Variants in DACH1 observed in about 807,000 individuals in gnomAD.
DACH1 encodes the protein dachshund family transcription factor 1.
In DACH1, 12 loss-of-function variants were observed where a neutral mutation model predicts 54.2. That is an observed-to-expected ratio of 0.22 (90% CI 0.14 to 0.36). The LOEUF (loss-of-function observed/expected upper bound fraction) is 0.36. Among genes scored for constraint, DACH1 ranks in the 10% least tolerant of loss-of-function variants. The probability of loss-of-function intolerance (pLI) is 1.00; values close to 1 mark genes in which losing one functional copy is unlikely to be tolerated. For synonymous variants in DACH1, 386 were observed against 366.2 expected (o/e 1.05, Z -0.62); for missense variants, 805 against 929.8 (o/e 0.87, Z 1.75).
At chr13:71,614,853 C>CAAAAAAAAAAAAAAAA (rs397978208) in intron 3 of DACH1, among the ~76,000 whole-genome samples, 1 of 48,926 alleles carries the variant, frequency 2.0e-5, no homozygotes, top group Non-Finnish European at 4.1e-5. Context: ...AACTCTATCT[C>CAAAAAAAAAAAAAAAA]AAAAAAAAAA....
At chr13:71,678,325 T>C (rs1335453284) in intron 2 of DACH1, among the ~76,000 whole-genome samples, 1 of 152,210 alleles carries the variant, frequency 6.6e-6, no homozygotes, top group African/African-American at 2.4e-5. Context: ...ACAGTAAAGA[T>C]ATGTTCCCCA....
chr13:71,804,460 A>G (rs1213076001), intron 1 of DACH1, among the ~76,000 whole-genome samples: 3 of 151,570 alleles, frequency 2.0e-5, no homozygotes, highest in Non-Finnish European at 4.4e-5. Flanking sequence ...CCACTTTATA[A>G]CCTCCTATTT....
intron 3 of DACH1, among the ~76,000 whole-genome samples, chr13:71,623,158 T>C (rs1876370337): frequency 6.6e-6 from 1 of 151,708 alleles, no homozygotes; most frequent in Middle Eastern, 3.2e-3. Flanking sequence ...TTTTTTAATA[T>C]AGAAATGTAT....
intron 1 of DACH1, among the ~76,000 whole-genome samples, chr13:71,717,272 T>C (rs1161392121): frequency 6.6e-6 from 1 of 152,186 alleles, no homozygotes. Context: ...CATTGCCCTT[T>C]AAAATTCTTT....
intron 2 of DACH1, among the ~76,000 whole-genome samples, chr13:71,679,032 G>A (rs1346786600): frequency 1.3e-5 from 2 of 152,050 alleles, no homozygotes; most frequent in African/African-American, 4.8e-5. Flanking sequence ...GAACATGGCT[G>A]TTTAAGGTCT....
chr13:71,575,842 A>G (rs1885494080), intron 3 of DACH1, among the ~76,000 whole-genome samples: 1 of 152,134 alleles, frequency 6.6e-6, no homozygotes, highest in Admixed American at 6.6e-5. Flanking sequence ...TAGAGCAAAC[A>G]ATTAAGAAAC....
chr13:71,454,636 A>G (rs987463195), intron 10 of DACH1, among the ~76,000 whole-genome samples: 3 of 152,190 alleles, frequency 2.0e-5, no homozygotes, highest in Admixed American at 6.5e-5. Context: ...CCTCTGGCCA[A>G]TGGCCAGCAA....
chr13:71,810,182 T>C (rs536832488), intron 1 of DACH1, among the ~76,000 whole-genome samples: 1 of 152,316 alleles, frequency 6.6e-6, no homozygotes, highest in East Asian at 1.9e-4. Flanking sequence ...CTGTACTAGA[T>C]AATTCAGTTT....
chr13:71,866,687 C>G lies in DACH1; in HGVS notation c.83G>C (p.Gly28Ala). 1 of 1,457,684 alleles carries G rather than the reference C, an allele frequency of 6.9e-7. No homozygotes were observed. The allele number at this position is 1,457,684 out of a possible 1,614,324, so 90.3% of individuals were successfully genotyped here. A position where few individuals can be genotyped will look rare whatever the true frequency, so the allele number is the denominator to read the frequency against. Residue 28 changes from glycine to alanine, a missense_variant, in exon 1 of 11, where the codon GGC becomes GCC. Coordinates refer to ENST00000613252, the MANE Select transcript of DACH1 (RefSeq NM_080759.6). ...PPISTSASSS[G>A]TTTSTSSATS... ...CGCCGAAGAGGTGGAGGTGGTGGTG[C>G]CAGAGGAGGAAGCAGACGTGGAGAT...
intron 1 of DACH1, 112 bp downstream of exon 1, chr13:71,865,810 G>A (rs1593666681): frequency 7.6e-7 from 1 of 1,311,314 alleles, no homozygotes; most frequent in South Asian, 2.2e-5. Flanking sequence ...CGCTCGCCGG[G>A]GCGCGCGGCT....
intron 1 of DACH1, among the ~76,000 whole-genome samples, chr13:71,769,796 C>A (rs1030883640): frequency 6.6e-6 from 1 of 151,574 alleles, no homozygotes; most frequent in East Asian, 1.9e-4. Flanking sequence ...CCAAATATAT[C>A]AGTTATTGGT....
chr13:71,797,050 G>A (rs1231395350), intron 1 of DACH1, among the ~76,000 whole-genome samples: 3 of 151,708 alleles, frequency 2.0e-5, no homozygotes, highest in Non-Finnish European at 2.9e-5. Context: ...TCTCGTATGT[G>A]TCAATAGTTC....
chr13:71,788,787 T>C (rs560524034), intron 1 of DACH1, among the ~76,000 whole-genome samples: 7 of 152,198 alleles, frequency 4.6e-5, no homozygotes, highest in African/African-American at 1.7e-4. Context: ...AAAAAATGCA[T>C]ACAAATATGC....
chr13:71,733,711 G>C (rs978961494), intron 1 of DACH1, among the ~76,000 whole-genome samples: 8 of 152,006 alleles, frequency 5.3e-5, no homozygotes, highest in African/African-American at 1.5e-4. Context: ...CACATCATAA[G>C]GTGCCATTTT....
chr13:71,572,731 A>G, intron 4 of DACH1, 109 bp downstream of exon 4: 2 of 1,197,692 alleles, frequency 1.7e-6, no homozygotes, highest in Non-Finnish European at 2.3e-6. Flanking sequence ...TCTATTTACT[A>G]TCACTTAGCT....
At chr13:71,651,549 T>C (rs1878668335) in intron 2 of DACH1, among the ~76,000 whole-genome samples, 1 of 151,934 alleles carries the variant, frequency 6.6e-6, no homozygotes. Context: ...TAGTCCCAGC[T>C]ACTTGGGATA....
chr13:71,821,093 T>C (rs1025745535), intron 1 of DACH1, among the ~76,000 whole-genome samples: 1 of 152,206 alleles, frequency 6.6e-6, no homozygotes, highest in African/African-American at 2.4e-5. Flanking sequence ...GGAGGTATAC[T>C]CTATAGACTC....
chr13:71,777,122 T>C (rs935235886), intron 1 of DACH1, among the ~76,000 whole-genome samples: 4 of 152,218 alleles, frequency 2.6e-5, no homozygotes, highest in Non-Finnish European at 5.9e-5. Context: ...CACCCTCTTG[T>C]TGTTTTCAGA....
chr13:71,660,684 T>C (rs1879428936), intron 2 of DACH1, among the ~76,000 whole-genome samples: 2 of 151,930 alleles, frequency 1.3e-5, no homozygotes, highest in African/African-American at 4.8e-5. Flanking sequence ...TAAAATATGT[T>C]AGGATTTTAA....
Sources: gnomAD v4.1 joint callset for allele counts (sites outside exome capture counted in the v4.1 genomes callset) on GRCh38, gnomAD v4.1.1 for gene constraint, MANE v1.5 for transcripts, NCBI Gene and HGNC (gene_info 2026-07-23, HGNC 2026-07-21) for gene names.